Variants in MYH10 observed in about 807,000 individuals in gnomAD.
The protein encoded by MYH10 is myosin-10.
In MYH10, 55 loss-of-function variants were observed where a neutral mutation model predicts 257.8. The ratio of observed to expected loss-of-function variants is 0.21; its 90% CI spans 0.17 to 0.27. MYH10 has a LOEUF of 0.27. Ranked by LOEUF, MYH10 falls within the 10% of genes least tolerant of loss-of-function variation. The pLI is 1.00. For missense variants in MYH10, 1,631 were observed against 2,500.6 expected (o/e 0.65, Z 7.42); for synonymous variants, 854 against 921.7 (o/e 0.93, Z 1.33).
chr17:8,518,238 T>A (rs757915179), intron 21 of MYH10, among the ~76,000 whole-genome samples: 1 of 151,414 alleles, frequency 6.6e-6, no homozygotes, highest in African/African-American at 2.4e-5. Context: ...GTTCAAGAGA[T>A]CCTCCCGCCT....
Position 8,480,327 on chromosome 17 carries a change from G to C in MYH10, c.5389-9C>G. On this transcript the variant is annotated splice_polypyrimidine_tract_variant and intron_variant, in intron 39 of 42. Transcript: ENST00000360416. ...GCGTTCAGTGTGTCCACCTAGAGAG[G>C]AGAGAGGAGTTTAGTCACTTGTGCC... 2 of 1,613,830 alleles carry C rather than the reference G, an allele frequency of 1.2e-6. No individual in the cohort carries two copies. The highest frequency in any genetic ancestry group is 1.7e-6 in the Non-Finnish European group (2 of 1,179,836).
At chr17:8,608,312 T>C (rs1402051791) in intron 2 of MYH10, among the ~76,000 whole-genome samples, 1 of 152,084 alleles carries the variant, frequency 6.6e-6, no homozygotes, top group African/African-American at 2.4e-5. Context: ...TGCTCAACGG[T>C]CCTTGGCACA....
In MYH10 at chr17:8,589,070, C is replaced by T. The variant is rs2084023182; in HGVS notation, c.530+11G>A. 6.2e-7 allele frequency: 1 copy of T among 1,613,084 alleles called. No individual in the cohort carries two copies. Among genetic ancestry groups the T allele is most frequent in the Non-Finnish European group, 8.5e-7 (1 of 1,179,420 alleles). ...ATCAAAAACAAATCTGAACATTCAA[C>T]ATTTACTTACGTGCAAAGAATTGAC... On this transcript the variant is annotated intron_variant, in intron 4 of 42. Coordinates refer to ENST00000360416, the MANE Select transcript of MYH10 (RefSeq NM_001256012.3).
chr17:8,559,478 ATTCT>A (rs1342503021), intron 7 of MYH10, among the ~76,000 whole-genome samples: 6 of 152,198 alleles, frequency 3.9e-5, no homozygotes, highest in African/African-American at 1.4e-4. Context: ...CAATCCCATT[ATTCT>A]TATTATTTTA....
chr17:8,514,213 T>G (rs950767382), intron 21 of MYH10, among the ~76,000 whole-genome samples: 1 of 152,200 alleles, frequency 6.6e-6, no homozygotes, highest in Non-Finnish European at 1.5e-5. Context: ...CCGATTTTCC[T>G]GAGGCAATGA....
At chr17:8,511,050 AT>A (rs2081267639) in intron 24 of MYH10, 2 of 115,340 alleles carry the variant, frequency 1.7e-5, no homozygotes, top group African/African-American at 8.3e-5. Flanking sequence ...ATATATATAT[AT>A]ATATATATAC....
At chr17:8,508,308 G>A (rs2081140685) in intron 26 of MYH10, among the ~76,000 whole-genome samples, 1 of 152,052 alleles carries the variant, frequency 6.6e-6, no homozygotes, top group African/African-American at 2.4e-5. Flanking sequence ...TCACTATGCT[G>A]CCCAGGCTGG....
At chr17:8,516,207 T>C (rs2081463592) in intron 21 of MYH10, among the ~76,000 whole-genome samples, 1 of 152,216 alleles carries the variant, frequency 6.6e-6, no homozygotes, top group Non-Finnish European at 1.5e-5. Context: ...GTTTGGAAAG[T>C]GGACTTCAAA....
chr17:8,533,129 G>A (rs1047238577), intron 16 of MYH10, among the ~76,000 whole-genome samples: 6 of 151,944 alleles, frequency 3.9e-5, no homozygotes, highest in Non-Finnish European at 7.4e-5. Flanking sequence ...ATCTTCAGTC[G>A]CCCCATATTC....
chr17:8,498,435 C>G (rs972433730), intron 30 of MYH10, among the ~76,000 whole-genome samples: 5 of 152,172 alleles, frequency 3.3e-5, no homozygotes, highest in African/African-American at 4.8e-5. Flanking sequence ...GAAGTTGACT[C>G]TGTGTGTACA....
chr17:8,546,394 T>C (rs1391299197), intron 12 of MYH10, 150 bp downstream of exon 12: 1 of 591,894 alleles, frequency 1.7e-6, no homozygotes, highest in Non-Finnish European at 2.8e-6. Flanking sequence ...AAAGTAAATA[T>C]ACTTAAAAAA....
chr17:8,508,494 C>T (rs11658073), intron 26 of MYH10, 60 bp downstream of exon 26: 939,795 of 1,600,940 alleles, frequency 0.59, 279,365 homozygotes, highest in Non-Finnish European at 0.61. Flanking sequence ...GTTCTGATTA[C>T]AGTAAAAGCT....
At chr17:8,563,718 T>C (rs893496280) in intron 7 of MYH10, among the ~76,000 whole-genome samples, 1 of 152,156 alleles carries the variant, frequency 6.6e-6, no homozygotes. Flanking sequence ...GCAACTGCCT[T>C]TTGATAAATA....
At chr17:8,601,518 T>C (rs903813222) in intron 3 of MYH10, among the ~76,000 whole-genome samples, 1 of 151,706 alleles carries the variant, frequency 6.6e-6, no homozygotes, top group African/African-American at 2.4e-5. Context: ...TTCAAAAATA[T>C]CACTTTTTTC....
chr17:8,572,452 AT>A (rs2083382029), intron 6 of MYH10, among the ~76,000 whole-genome samples: 1 of 152,246 alleles, frequency 6.6e-6, no homozygotes, highest in African/African-American at 2.4e-5. Context: ...ATGTGAGGAC[AT>A]TTTTTGCTTA....
chr17:8,536,022 T>G, intron 14 of MYH10, 91 bp from the exon 15 acceptor site: 1 of 1,239,532 alleles, frequency 8.1e-7, no homozygotes, highest in South Asian at 1.5e-5. Flanking sequence ...ACAATTAGTT[T>G]TATGAAGATC....
chr17:8,496,371 G>T (rs769056761), intron 30 of MYH10, among the ~76,000 whole-genome samples: 6 of 152,218 alleles, frequency 3.9e-5, no homozygotes, highest in Non-Finnish European at 7.3e-5. Flanking sequence ...CATCAGTCTT[G>T]GGAACAGTGT....
At chr17:8,546,119 T>C (rs2082435574) in intron 12 of MYH10, among the ~76,000 whole-genome samples, 1 of 151,932 alleles carries the variant, frequency 6.6e-6, no homozygotes, top group South Asian at 2.1e-4. Flanking sequence ...AGTGCCGTGG[T>C]GCAATCTCAG....
intron 21 of MYH10, among the ~76,000 whole-genome samples, chr17:8,515,533 CTTTTTTTTTTTTTTT>C (rs562174128): frequency 2.3e-5 from 2 of 86,874 alleles, no homozygotes; most frequent in Admixed American, 1.6e-4. Context: ...TTAGCCAAGT[CTTTTTTTTTTTTTTT>C]TTTTTTTTTT....
Sources: allele counts gnomAD v4.1 joint callset (sites outside exome capture counted in the v4.1 genomes callset), GRCh38; gene constraint gnomAD v4.1.1; transcripts MANE v1.5; gene names NCBI Gene and HGNC (gene_info 2026-07-23, HGNC 2026-07-21).